CAPS2: variants seen among roughly 807,000 people sequenced by gnomAD.
CAPS2 encodes calcyphosin-2.
In CAPS2, 98 loss-of-function variants were observed where a neutral mutation model predicts 86.5. The ratio of observed to expected loss-of-function variants is 1.13; its 90% CI spans 0.96 to 1.34. The LOEUF is 1.34. Ranked by LOEUF, CAPS2 falls within the 40% of genes most tolerant of loss-of-function variation. The pLI is 0.00. For synonymous variants in CAPS2, 210 were observed against 225.1 expected (o/e 0.93, Z 0.60); for missense variants, 729 against 686.8 (o/e 1.06, Z -0.69).
At chr12:75,369,553 A>C (rs984111348) in intron 1 of CAPS2, 8 of 983,726 alleles carry the variant, frequency 8.1e-6, no homozygotes, top group Non-Finnish European at 9.7e-6. Flanking sequence ...AAAGACATCG[A>C]GAAATATTTG....
At chr12:75,337,583 A>G (rs1236890921) in intron 1 of CAPS2, among the ~76,000 whole-genome samples, 1 of 152,000 alleles carries the variant, frequency 6.6e-6, no homozygotes, top group Admixed American at 6.5e-5. Context: ...TTACTAGTGA[A>G]TAAGTGCATA....
At position 75,304,748 on chromosome 12, in the gene CAPS2, T is replaced by A. The variant is rs746056913; in HGVS notation, c.779+9A>T. On this transcript the variant is annotated intron_variant, in intron 8 of 16. Transcript: ENST00000393284. ...GCATCCTCATTTTATGTAATTAAAA[T>A]CTTCTTACTTTGTTTCATGTAGTGT... The A allele has an allele frequency of 6.4e-7, 1 of 1,563,806 alleles. No individual in the cohort carries two copies. The highest frequency in any genetic ancestry group is 1.2e-5 in the South Asian group (1 of 86,130).
At chr12:75,279,065 C>A in exon 17 of CAPS2, 1 of 1,582,112 alleles carries the variant, frequency 6.3e-7, no homozygotes, top group Non-Finnish European at 8.6e-7. Flanking sequence ...TGTTGAATGG[C>A]CTATAAAATA....
chr12:75,365,648 G>A (rs2043915162), intron 1 of CAPS2, among the ~76,000 whole-genome samples: 1 of 151,980 alleles, frequency 6.6e-6, no homozygotes, highest in Non-Finnish European at 1.5e-5. Flanking sequence ...ACAAACTTTA[G>A]ACAAGTTTTT....
intron 5 of CAPS2, among the ~76,000 whole-genome samples, chr12:75,319,746 G>C (rs913401666): frequency 6.6e-6 from 1 of 152,000 alleles, no homozygotes; most frequent in Non-Finnish European, 1.5e-5. Context: ...TCTAATTTTA[G>C]CTTTGCTTTA....
intron 1 of CAPS2, among the ~76,000 whole-genome samples, chr12:75,325,615 T>G (rs1288383135): frequency 2.0e-5 from 3 of 152,114 alleles, no homozygotes; most frequent in Non-Finnish European, 2.9e-5. Flanking sequence ...GCTTGTTTTT[T>G]TTTGTTTGTT....
chr12:75,317,916 C>T (rs1176347604), intron 5 of CAPS2, among the ~76,000 whole-genome samples: 1 of 151,930 alleles, frequency 6.6e-6, no homozygotes, highest in Non-Finnish European at 1.5e-5. Context: ...ACTATAATCA[C>T]CACAAATACA....
chr12:75,323,281 A>C (rs2040469972), intron 2 of CAPS2, 59 bp from the exon 4 acceptor site: 2 of 1,317,356 alleles, frequency 1.5e-6, no homozygotes, highest in Admixed American at 2.1e-5. Flanking sequence ...AATAAATGCA[A>C]ATCTTATATG....
At chr12:75,381,739 C>T (rs554897036) in intron 1 of CAPS2, among the ~76,000 whole-genome samples, 33 of 151,660 alleles carry the variant, frequency 2.2e-4, no homozygotes, top group African/African-American at 6.3e-4. Flanking sequence ...CTCAGCCTCC[C>T]GAGTAGCTGG....
chr12:75,348,590 A>G (rs1386941954), intron 1 of CAPS2, among the ~76,000 whole-genome samples: 1 of 152,224 alleles, frequency 6.6e-6, no homozygotes, highest in East Asian at 1.9e-4. Context: ...AAAGAGAATA[A>G]TAATAGGGGA....
chr12:75,311,702 AAAAAAAAAACAAAAAAAAAAAC>A lies in CAPS2; in HGVS notation c.659+1124_659+1145del, dbSNP rs1182391588. 3.4e-3 allele frequency among the ~76,000 whole-genome samples: 56 copies of A among 16,494 alleles called. 1 individual carries two copies. The highest frequency in any genetic ancestry group is 8.5e-3 in the Non-Finnish European group (40 of 4,702). 10.8% of individuals were successfully genotyped at this position (16,494 alleles called of 152,430 possible). ...GTCACGTGCAGGAAGCCATGCAGGA[AAAAAAAAAACAAAAAAAAAAAC>A]AAAAAAAAAAAAAAAAACCTGCCTC... On this transcript the variant is annotated intron_variant, in intron 7 of 16. Coordinates refer to ENST00000393284, the Ensembl canonical transcript of CAPS2.
At chr12:75,291,677 C>T in intron 13 of CAPS2, 67 bp downstream of exon 13, 1 of 630,434 alleles carries the variant, frequency 1.6e-6, no homozygotes, top group Non-Finnish European at 2.5e-6. Flanking sequence ...TGGGAAAATG[C>T]TGTTTTACTG....
chr12:75,301,278 G>A (rs1011282865), intron 8 of CAPS2, among the ~76,000 whole-genome samples: 2 of 152,208 alleles, frequency 1.3e-5, no homozygotes, highest in African/African-American at 4.8e-5. Context: ...GATCTTGAAA[G>A]CTACACCTCT....
intron 1 of CAPS2, among the ~76,000 whole-genome samples, chr12:75,363,382 C>A (rs2043747392): frequency 6.6e-6 from 1 of 152,092 alleles, no homozygotes; most frequent in Admixed American, 6.6e-5. Flanking sequence ...ACTGATTACT[C>A]CCCCTCTGAA....
At chr12:75,290,617 T>C (rs1332810334) in intron 13 of CAPS2, among the ~76,000 whole-genome samples, 2 of 152,126 alleles carry the variant, frequency 1.3e-5, no homozygotes, top group Non-Finnish European at 2.9e-5. Flanking sequence ...TCAGGATTCA[T>C]GAAAATTCAC....
intron 14 of CAPS2, among the ~76,000 whole-genome samples, chr12:75,288,947 G>A (rs1371676263): frequency 6.6e-6 from 1 of 152,148 alleles, no homozygotes; most frequent in East Asian, 1.9e-4. Flanking sequence ...TGCTCCTTTA[G>A]ACAGAAGTGT....
intron 9 of CAPS2, 65 bp from the exon 10 acceptor site, chr12:75,299,031 A>G: frequency 1.9e-6 from 2 of 1,055,490 alleles, no homozygotes; most frequent in Non-Finnish European, 2.8e-6. Flanking sequence ...TTAACTAAAA[A>G]ACATGTTCAT....
At chr12:75,329,710 A>T (rs1373201801), upstream of CAPS2, 15 of 676,942 alleles carry the variant, frequency 2.2e-5, no homozygotes, top group South Asian at 3.9e-4. Flanking sequence ...ATCCCAGACG[A>T]CTACAGACCC....
upstream of CAPS2, among the ~76,000 whole-genome samples, chr12:75,329,281 T>G (rs1296833388): frequency 6.6e-6 from 1 of 152,206 alleles, no homozygotes; most frequent in Non-Finnish European, 1.5e-5. Context: ...CCAAGGGTTG[T>G]CTTTGTCATT....
Sources: gnomAD v4.1 joint callset for allele counts (sites outside exome capture counted in the v4.1 genomes callset) on GRCh38, gnomAD v4.1.1 for gene constraint, MANE v1.5 for transcripts, NCBI Gene and HGNC (gene_info 2026-07-23, HGNC 2026-07-21) for gene names.